Variants in BTAF1 observed in about 807,000 individuals in gnomAD.
BTAF1 encodes TATA-binding protein-associated factor 172.
In BTAF1, 38 loss-of-function variants were observed where a neutral mutation model predicts 227.1. The observed-to-expected ratio is 0.17, with a 90% CI of 0.13 to 0.22. The LOEUF is 0.22. Ranked by LOEUF, BTAF1 falls within the 10% of genes least tolerant of loss-of-function variation. The pLI, the probability that BTAF1 is intolerant of heterozygous loss-of-function variation, is 1.00. For missense variants in BTAF1, 1,598 were observed against 2,204.0 expected (o/e 0.73, Z 5.51); for synonymous variants, 742 against 751.9 (o/e 0.99, Z 0.21).
intron 4 of BTAF1, among the ~76,000 whole-genome samples, chr10:91,944,157 TA>T (rs11444924): frequency 3.4e-5 from 5 of 145,822 alleles, no homozygotes; most frequent in African/African-American, 1.0e-4. Flanking sequence ...TGTCTCCAAA[TA>T]AAAAAAAAAA....
At chr10:92,025,543 A>G (rs568320984) in intron 35 of BTAF1, among the ~76,000 whole-genome samples, 1 of 152,204 alleles carries the variant, frequency 6.6e-6, no homozygotes, top group South Asian at 2.1e-4. Flanking sequence ...GCGGTGACTC[A>G]TGCCTGTAAT....
intron 35 of BTAF1, among the ~76,000 whole-genome samples, chr10:92,025,199 G>T (rs1235497413): frequency 6.6e-6 from 1 of 152,188 alleles, no homozygotes; most frequent in African/African-American, 2.4e-5. Flanking sequence ...ACTCTGAAGA[G>T]CATGAAAGAA....
chr10:91,960,184 G>T (rs754364336), intron 11 of BTAF1, 30 bp downstream of exon 11: 2 of 1,601,572 alleles, frequency 1.2e-6, no homozygotes, highest in East Asian at 4.5e-5. Context: ...AAGCTTATGT[G>T]GGAGAGTTTT....
chr10:91,993,880 A>G (rs1428735909), intron 22 of BTAF1, 33 bp downstream of exon 22: 1 of 1,508,646 alleles, frequency 6.6e-7, no homozygotes, highest in African/African-American at 1.4e-5. Context: ...CCAGTTTTTA[A>G]CAAATTTTAA....
chr10:91,942,789 C>T (rs574856024), intron 4 of BTAF1, among the ~76,000 whole-genome samples: 39 of 152,086 alleles, frequency 2.6e-4, no homozygotes, highest in Non-Finnish European at 3.5e-4. Context: ...TGAATATGTG[C>T]ATCATTAGTT....
intron 4 of BTAF1, among the ~76,000 whole-genome samples, chr10:91,943,116 G>A (rs1394132458): frequency 6.6e-6 from 1 of 151,970 alleles, no homozygotes; most frequent in African/African-American, 2.4e-5. Context: ...GAGTTCGAGA[G>A]CAGCCTAACC....
Position 92,011,532 on chromosome 10 carries a change from T to C in BTAF1, c.4311+117T>C, listed in dbSNP as rs150388028. 5.3e-4 allele frequency: 205 copies of C among 386,410 alleles called. 3 individuals are homozygous for C. The Admixed American group carries it at 7.0e-3, about 13-fold the overall frequency. The allele number at this position is 386,410 out of a possible 1,614,324, so 23.9% of individuals were successfully genotyped here. On this transcript the variant is annotated intron_variant, in intron 30 of 37. Transcript: ENST00000265990. ...TAAAGAAGATTTTTTATTGTTGTTA[T>C]AGTAATGATAATTTTCCAGTATATA... is the stretch of plus-strand genomic sequence containing the variant.
intron 25 of BTAF1, among the ~76,000 whole-genome samples, chr10:92,002,494 G>A (rs1396171130): frequency 6.6e-6 from 1 of 152,196 alleles, no homozygotes; most frequent in Non-Finnish European, 1.5e-5. Context: ...AATGGACCTA[G>A]TTATATGGCC....
intron 25 of BTAF1, among the ~76,000 whole-genome samples, chr10:92,001,770 C>T (rs1396794892): frequency 6.6e-6 from 1 of 151,832 alleles, no homozygotes; most frequent in Non-Finnish European, 1.5e-5. Context: ...AAAATACAGT[C>T]AACAGAAACA....
At chr10:91,963,742 G>A (rs950656198) in intron 12 of BTAF1, among the ~76,000 whole-genome samples, 1 of 152,142 alleles carries the variant, frequency 6.6e-6, no homozygotes, top group Non-Finnish European at 1.5e-5. Context: ...TTACATAGAA[G>A]AACATGTCTT....
chr10:91,951,600 A>G (rs1367939758), intron 5 of BTAF1, 34 bp downstream of exon 5: 3 of 1,554,804 alleles, frequency 1.9e-6, no homozygotes, highest in Non-Finnish European at 2.6e-6. Context: ...GATTGCAAGT[A>G]ATAATACAAA....
intron 3 of BTAF1, 110 bp from the exon 4 acceptor site, chr10:91,942,311 TG>T (rs1845069694): frequency 1.5e-6 from 1 of 678,680 alleles, no homozygotes; most frequent in African/African-American, 2.0e-5. Flanking sequence ...TGTGTGTGTG[TG>T]TGTGTGTGTG....
At chr10:92,005,814 A>G (rs1849837764) in intron 25 of BTAF1, among the ~76,000 whole-genome samples, 1 of 151,992 alleles carries the variant, frequency 6.6e-6, no homozygotes, top group Admixed American at 6.6e-5. Flanking sequence ...GAGAAGAGTG[A>G]CATTGCATTA....
At chr10:91,959,928 A>G (rs1454787429) in intron 10 of BTAF1, 48 bp downstream of exon 10, 3 of 1,601,328 alleles carry the variant, frequency 1.9e-6, no homozygotes, top group Non-Finnish European at 1.7e-6. Context: ...TTCAAATTCT[A>G]CAAAATACGT....
chr10:91,925,529 T>TTTTTTTTTTTTG (rs1843767327), intron 1 of BTAF1, among the ~76,000 whole-genome samples: 1 of 149,362 alleles, frequency 6.7e-6, no homozygotes, highest in South Asian at 2.2e-4. Context: ...TTTTTTTTTT[T>TTTTTTTTTTTTG]GAGAAGGAAT....
In BTAF1 at chr10:92,018,953, G is replaced by C. The variant is rs1448708784; in HGVS notation, c.4863+18G>C. 3 of 1,499,084 alleles carry C rather than the reference G, an allele frequency of 2.0e-6. No individual in the cohort carries two copies. The highest frequency in any genetic ancestry group is 4.7e-5 in the Admixed American group (2 of 42,600). 92.9% of individuals were successfully genotyped at this position (1,499,084 alleles called of 1,614,324 possible). A position where few individuals can be genotyped will look rare whatever the true frequency, so the allele number is the denominator to read the frequency against. On this transcript the variant is annotated intron_variant, in intron 34 of 37. Coordinates refer to ENST00000265990, the MANE Select transcript of BTAF1 (RefSeq NM_003972.3). The stretch of plus-strand genomic sequence containing the variant: ...TGAAACAAGTATGTATGTCTTTTAA[G>C]TGTTAAATGTGTGTTGTACCCCAGG...
chr10:91,925,358 T>C (rs781618513), intron 1 of BTAF1, among the ~76,000 whole-genome samples: 26 of 152,200 alleles, frequency 1.7e-4, no homozygotes, highest in Non-Finnish European at 3.5e-4. Flanking sequence ...TGCATTGATA[T>C]GTAAACTTAA....
Position 91,980,456 on chromosome 10 carries a change from C to T in BTAF1, c.1653C>T (p.Asn551=), listed in dbSNP as rs138910246. 1 of 1,609,268 alleles carries T rather than the reference C, an allele frequency of 6.2e-7. No individual in the cohort carries two copies. Among genetic ancestry groups the T allele is most frequent in the African/African-American group, 1.3e-5 (1 of 74,894 alleles). Residue 551 remains asparagine (N), a splice_region_variant and synonymous_variant, in exon 15 of 38, where the codon AAC becomes AAT. Coordinates refer to ENST00000265990, the MANE Select transcript of BTAF1 (RefSeq NM_003972.3). ...TTTAATTCTGTTTTTGTTTTCAGAA[C>T]TCTTCATCTTGGCTTATACCTATAC... The part of the protein sequence containing the change: ...LFTLLSTQDQ[N]SSSWLIPILP...
Position 92,022,879 on chromosome 10 carries a change from C to T in BTAF1, c.4864-1877C>T, listed in dbSNP as rs955440044. Among the ~76,000 whole-genome samples the T allele has an allele frequency of 8.5e-5, 13 of 152,266 alleles. 1 individual carries two copies. The highest frequency in any genetic ancestry group is 3.3e-4 in the Admixed American group (5 of 15,292). ...CAGACTTGTTTATTTGGAGGAATGT[C>T]TCCCTAGTATACCATATTCTACTAT... On this transcript the variant is annotated intron_variant, in intron 34 of 37. Transcript: ENST00000265990.
Sources: gnomAD v4.1 joint callset for allele counts (sites outside exome capture counted in the v4.1 genomes callset) on GRCh38, gnomAD v4.1.1 for gene constraint, MANE v1.5 for transcripts, NCBI Gene and HGNC (gene_info 2026-07-23, HGNC 2026-07-21) for gene names.